TTC7B: variants seen among roughly 807,000 people sequenced by gnomAD.
The protein encoded by TTC7B is tetratricopeptide repeat protein 7B.
A neutral mutation model predicts 106.8 loss-of-function variants in TTC7B; 28 were observed. The ratio of observed to expected loss-of-function variants is 0.26; its 90% CI spans 0.19 to 0.36. The LOEUF is 0.36. Among genes scored for constraint, TTC7B ranks in the 10% least tolerant of loss-of-function variants. The probability of loss-of-function intolerance (pLI) is 1.00; values close to 1 mark genes in which losing one functional copy is unlikely to be tolerated. For missense variants in TTC7B, 862 were observed against 1,076.4 expected (o/e 0.80, Z 2.79); for synonymous variants, 405 against 430.6 (o/e 0.94, Z 0.74).
intron 17 of TTC7B, among the ~76,000 whole-genome samples, chr14:90,597,275 A>G (rs1460570541): frequency 6.6e-6 from 1 of 152,214 alleles, no homozygotes; most frequent in African/African-American, 2.4e-5. Context: ...AAATAACACA[A>G]CAAATAAAAG....
chr14:90,792,556 A>G (rs113097622), intron 1 of TTC7B, among the ~76,000 whole-genome samples: 6,464 of 152,190 alleles, frequency 0.042, 192 homozygotes, highest in Non-Finnish European at 0.058. Flanking sequence ...CAGCCTGGGC[A>G]GCAGAGCAAG....
intron 3 of TTC7B, among the ~76,000 whole-genome samples, chr14:90,750,523 A>T: frequency 6.6e-6 from 1 of 152,172 alleles, no homozygotes; most frequent in East Asian, 1.9e-4. Context: ...ATACTTGAAA[A>T]CCAATCATCT....
At chr14:90,628,053 C>A (rs1222132095) in intron 15 of TTC7B, among the ~76,000 whole-genome samples, 1 of 152,210 alleles carries the variant, frequency 6.6e-6, no homozygotes, top group Non-Finnish European at 1.5e-5. Flanking sequence ...GGGCTATTCC[C>A]GAAGGCTACC....
At chr14:90,574,498 A>T (rs978984354) in intron 19 of TTC7B, among the ~76,000 whole-genome samples, 8 of 152,350 alleles carry the variant, frequency 5.3e-5, no homozygotes, top group Admixed American at 4.6e-4. Flanking sequence ...ATTTAGACAC[A>T]TACATGAAGG....
chr14:90,658,008 G>T, intron 10 of TTC7B: 1 of 396,734 alleles, frequency 2.5e-6, no homozygotes, highest in Non-Finnish European at 4.7e-6. Context: ...TCTCAGATGA[G>T]TGGAGGTGTC....
Position 90,537,379 on chromosome 14 carries a change from G to GAGGGGC in TTC7B, c.*3988_*3989insGCCCCT. 1 of 149,862 alleles carries GAGGGGC rather than the reference G, an allele frequency of 6.7e-6. No individual in the cohort carries two copies. The highest frequency in any genetic ancestry group is 2.5e-5 in the African/African-American group (1 of 40,412). 9.3% of individuals were successfully genotyped at this position (149,862 alleles called of 1,614,324 possible). A position where few individuals can be genotyped will look rare whatever the true frequency, so the allele number is the denominator to read the frequency against. ...TTTTTTTTTTTTGTAGAGATGGGGG[G>GAGGGGC]GGGGTCTCACCATGTTGCCCAGGCT... On this transcript the variant is annotated 3_prime_UTR_variant, in exon 20 of 20. Coordinates refer to ENST00000328459, the MANE Select transcript of TTC7B (RefSeq NM_001010854.2).
At chr14:90,792,857 C>T (rs1418184246) in intron 1 of TTC7B, among the ~76,000 whole-genome samples, 1 of 152,078 alleles carries the variant, frequency 6.6e-6, no homozygotes, top group East Asian at 1.9e-4. Flanking sequence ...ATAGAATATG[C>T]AAAGGTATGG....
intron 17 of TTC7B, 32 bp downstream of exon 17, chr14:90,610,710 C>T (rs774752599): frequency 1.3e-6 from 2 of 1,493,272 alleles, no homozygotes; most frequent in South Asian, 2.3e-5. Flanking sequence ...CTCCATTACA[C>T]CATTTCGTCC....
intron 9 of TTC7B, among the ~76,000 whole-genome samples, chr14:90,659,213 T>TTGTGTGTGTGTG (rs148678143): frequency 0.012 from 1,720 of 146,682 alleles, 41 homozygotes; most frequent in African/African-American, 0.041. Context: ...ACGAGTGTGA[T>TTGTGTGTGTGTG]TGTGTGTGTG....
At chr14:90,795,381 A>T (rs1286127109) in intron 1 of TTC7B, among the ~76,000 whole-genome samples, 1 of 152,228 alleles carries the variant, frequency 6.6e-6, no homozygotes, top group African/African-American at 2.4e-5. Flanking sequence ...TGTGCGCAGG[A>T]AAGGCTTAAA....
At chr14:90,597,222 T>C (rs767158049) in intron 17 of TTC7B, among the ~76,000 whole-genome samples, 1 of 152,134 alleles carries the variant, frequency 6.6e-6, no homozygotes, top group African/African-American at 2.4e-5. Flanking sequence ...AGCACATAAC[T>C]AACAATAGTG....
intron 7 of TTC7B, among the ~76,000 whole-genome samples, chr14:90,689,255 TA>T (rs1317642727): frequency 2.0e-5 from 3 of 152,142 alleles, no homozygotes; most frequent in African/African-American, 7.2e-5. Flanking sequence ...TGAGGTCTTA[TA>T]ATAAATGGAA....
intron 12 of TTC7B, among the ~76,000 whole-genome samples, chr14:90,653,440 G>A (rs1314405762): frequency 6.6e-6 from 1 of 152,152 alleles, no homozygotes; most frequent in Non-Finnish European, 1.5e-5. Context: ...ACCTTCATGT[G>A]AACACAAGGA....
intron 18 of TTC7B, among the ~76,000 whole-genome samples, chr14:90,589,310 C>G (rs987229589): frequency 2.6e-5 from 4 of 152,172 alleles, no homozygotes; most frequent in Non-Finnish European, 5.9e-5. Flanking sequence ...TCTGGGACCT[C>G]CCTTGAATAC....
intron 19 of TTC7B, among the ~76,000 whole-genome samples, chr14:90,558,847 C>T (rs1890445365): frequency 6.6e-6 from 1 of 152,206 alleles, no homozygotes; most frequent in African/African-American, 2.4e-5. Flanking sequence ...ACTTTCTCCC[C>T]AGGGCCCCCA....
At chr14:90,715,869 C>T (rs946836647) in intron 5 of TTC7B, among the ~76,000 whole-genome samples, 9 of 152,196 alleles carry the variant, frequency 5.9e-5, no homozygotes, top group Non-Finnish European at 8.8e-5. Flanking sequence ...TTCTAAGAAA[C>T]CTAATGAATT....
chr14:90,571,047 T>TCTGCTC (rs138335562), intron 19 of TTC7B, among the ~76,000 whole-genome samples: 2,069 of 152,256 alleles, frequency 0.014, 52 homozygotes, highest in African/African-American at 0.047. Flanking sequence ...TTGTTCTGCT[T>TCTGCTC]CTGCTCCTAA....
At chr14:90,605,961 T>A (rs1433730380) in intron 17 of TTC7B, among the ~76,000 whole-genome samples, 1 of 152,212 alleles carries the variant, frequency 6.6e-6, no homozygotes, top group African/African-American at 2.4e-5. Context: ...GGTTATTTAG[T>A]TGGTCCGCAA....
chr14:90,602,187 T>G (rs967030616), intron 17 of TTC7B: 5 of 455,968 alleles, frequency 1.1e-5, no homozygotes, highest in African/African-American at 1.0e-4. Flanking sequence ...ATGCAATCCA[T>G]GAACACTGAT....
Sources: allele counts gnomAD v4.1 joint callset (sites outside exome capture counted in the v4.1 genomes callset), GRCh38; gene constraint gnomAD v4.1.1; transcripts MANE v1.5; gene names NCBI Gene and HGNC (gene_info 2026-07-23, HGNC 2026-07-21).